The following GRM8 variants were observed in gnomAD, a reference collection of about 807,000 sequenced individuals.
GRM8 encodes glutamate metabotropic receptor 8.
A neutral mutation model predicts 87.2 loss-of-function variants in GRM8; 47 were observed. The observed-to-expected ratio is 0.54, with a 90% CI of 0.43 to 0.69. The LOEUF is 0.69. Among genes scored for constraint, GRM8 ranks in the 30% least tolerant of loss-of-function variants. The probability of loss-of-function intolerance (pLI) is 0.00; values close to 1 mark genes in which losing one functional copy is unlikely to be tolerated. For missense variants in GRM8, 1,019 were observed against 1,139.2 expected, an observed-to-expected ratio of 0.89 and a Z score of 1.52; for synonymous variants, 396 against 404.5, an observed-to-expected ratio of 0.98 and a Z score of 0.25.
At chr7:126,540,244 C>A (rs1307858345) in intron 8 of GRM8, among the ~76,000 whole-genome samples, 1 of 151,956 alleles carries the variant, frequency 6.6e-6, no homozygotes, top group Non-Finnish European at 1.5e-5. Context: ...AAATCAAAAC[C>A]AGTGCACCAA....
chr7:127,249,759 C>G (rs1171580081), intron 1 of GRM8, among the ~76,000 whole-genome samples: 4 of 152,188 alleles, frequency 2.6e-5, no homozygotes, highest in Non-Finnish European at 4.4e-5. Flanking sequence ...CTCATAGCCT[C>G]TCCTGGGAAC....
At chr7:126,865,245 T>C (rs572216325) in intron 6 of GRM8, among the ~76,000 whole-genome samples, 6 of 152,362 alleles carry the variant, frequency 3.9e-5, no homozygotes, top group African/African-American at 1.4e-4. Flanking sequence ...TTTCTTGGTA[T>C]TGGAATTTTT....
intron 3 of GRM8, among the ~76,000 whole-genome samples, chr7:127,075,738 G>T (rs1205903795): frequency 3.3e-5 from 5 of 152,062 alleles, no homozygotes; most frequent in Admixed American, 2.6e-4. Flanking sequence ...CCCATTATTG[G>T]GGGAGGGAGA....
intron 7 of GRM8, among the ~76,000 whole-genome samples, chr7:126,620,594 T>C (rs1430661089): frequency 6.6e-6 from 1 of 152,190 alleles, no homozygotes; most frequent in Non-Finnish European, 1.5e-5. Context: ...GTCTGCTTTC[T>C]GGCTCTACCA....
intron 3 of GRM8, among the ~76,000 whole-genome samples, chr7:126,916,464 G>T (rs1803911508): frequency 6.6e-6 from 1 of 152,190 alleles, no homozygotes; most frequent in South Asian, 2.1e-4. Flanking sequence ...TGGTATCTGT[G>T]TTATATGTGT....
chr7:126,768,691 T>A (rs1818473894), intron 7 of GRM8, among the ~76,000 whole-genome samples: 1 of 151,982 alleles, frequency 6.6e-6, no homozygotes, highest in Admixed American at 6.6e-5. Flanking sequence ...TAACTAGCAA[T>A]ATTAGATAAA....
At chr7:126,920,821 TC>T (rs1170804614) in intron 3 of GRM8, among the ~76,000 whole-genome samples, 1 of 150,016 alleles carries the variant, frequency 6.7e-6, no homozygotes, top group Admixed American at 6.7e-5. Context: ...CTAACTTATC[TC>T]CCCCCACCCA....
intron 7 of GRM8, among the ~76,000 whole-genome samples, chr7:126,661,875 G>A (rs967917639): frequency 4.2e-5 from 6 of 141,722 alleles, no homozygotes; most frequent in Non-Finnish European, 7.6e-5. Context: ...ACTTTAATAT[G>A]AGAAAGTTCC....
chr7:127,128,711 G>A (rs937870348), intron 2 of GRM8, among the ~76,000 whole-genome samples: 15 of 152,148 alleles, frequency 9.9e-5, no homozygotes, highest in African/African-American at 2.9e-4. Context: ...AATGAATAAC[G>A]GTAAGGTTTA....
At chr7:127,033,092 T>G (rs974315599) in intron 3 of GRM8, among the ~76,000 whole-genome samples, 16 of 151,716 alleles carry the variant, frequency 1.1e-4, no homozygotes, top group African/African-American at 3.9e-4. Flanking sequence ...AGATGTTATT[T>G]TTGTCTCCTG....
intron 8 of GRM8, among the ~76,000 whole-genome samples, chr7:126,584,955 A>G (rs1490772376): frequency 1.3e-5 from 2 of 152,188 alleles, no homozygotes; most frequent in Non-Finnish European, 2.9e-5. Context: ...TCATAAGCTA[A>G]AAGCACTCAT....
At chr7:126,962,049 C>A (rs1339746179) in intron 3 of GRM8, among the ~76,000 whole-genome samples, 3 of 152,222 alleles carry the variant, frequency 2.0e-5, no homozygotes, top group Middle Eastern at 3.4e-3. Flanking sequence ...ACCCTGGGAC[C>A]AGAAAAATAA....
At chr7:126,593,907 C>A (rs1796921240) in intron 8 of GRM8, among the ~76,000 whole-genome samples, 1 of 151,814 alleles carries the variant, frequency 6.6e-6, no homozygotes, top group Non-Finnish European at 1.5e-5. Flanking sequence ...AGCAAGAAAA[C>A]AAATAACCTG....
intron 6 of GRM8, chr7:126,869,703 G>C (rs1798916932): frequency 6.6e-6 from 1 of 152,090 alleles, no homozygotes; most frequent in African/African-American, 2.4e-5. Context: ...TGGGCTTAAA[G>C]TGTTTAGTAA....
At chr7:126,873,066 C>T (rs976032435) in intron 6 of GRM8, among the ~76,000 whole-genome samples, 17 of 151,342 alleles carry the variant, frequency 1.1e-4, no homozygotes, top group Middle Eastern at 3.4e-3. Flanking sequence ...CACACACCTG[C>T]GCATACATAC....
intron 6 of GRM8, among the ~76,000 whole-genome samples, chr7:126,855,876 T>A (rs1369954844): frequency 6.6e-6 from 1 of 152,098 alleles, no homozygotes; most frequent in Non-Finnish European, 1.5e-5. Context: ...ATAAAGTCCC[T>A]GGAACACAGC....
chr7:126,455,052 G>A (rs1244533303), intron 9 of GRM8, among the ~76,000 whole-genome samples: 1 of 151,586 alleles, frequency 6.6e-6, no homozygotes, highest in Non-Finnish European at 1.5e-5. Context: ...TGATTAAAAC[G>A]ATGAGTTTAG....
At chr7:126,698,200 G>C (rs1809578690) in intron 7 of GRM8, among the ~76,000 whole-genome samples, 1 of 151,944 alleles carries the variant, frequency 6.6e-6, no homozygotes, top group African/African-American at 2.4e-5. Flanking sequence ...ACAATACTCT[G>C]GTGAAACCCT....
At chr7:126,511,300 G>A (rs1053676274) in intron 9 of GRM8, 1 of 152,056 alleles carries the variant, frequency 6.6e-6, no homozygotes, top group African/African-American at 2.4e-5. Flanking sequence ...AACAGCTGCT[G>A]AGCCTGAGTA....
Sources: allele counts gnomAD v4.1 joint callset (sites outside exome capture counted in the v4.1 genomes callset), GRCh38; gene constraint gnomAD v4.1.1; transcripts MANE v1.5; gene names NCBI Gene and HGNC (gene_info 2026-07-23, HGNC 2026-07-21).